HPD: variants seen among roughly 807,000 people sequenced by gnomAD.
HPD encodes the protein 4-hydroxyphenylpyruvic acid oxidase.
Under a neutral mutation model 56.9 loss-of-function variants are expected in HPD, and 35 were observed. The observed-to-expected ratio is 0.62, with a 90% CI of 0.47 to 0.82. HPD has a LOEUF of 0.82. Ranked by LOEUF, HPD falls within the 40% of genes least tolerant of loss-of-function variation. HPD has a pLI of 0.00. For missense variants in HPD, 442 were observed against 506.8 expected (o/e 0.87, Z 1.23); for synonymous variants, 186 against 200.2 (o/e 0.93, Z 0.60).
At chr12:121,846,545 A>G (rs1592917390) in intron 11 of HPD, among the ~76,000 whole-genome samples, 2 of 152,180 alleles carry the variant, frequency 1.3e-5, no homozygotes, top group East Asian at 3.8e-4. Flanking sequence ...AGGTAAGGCA[A>G]CTAAAGTCCA....
Position 121,839,724 on chromosome 12 carries a change from G to A in HPD, c.*4C>T, listed in dbSNP as rs764529433. The A allele has an allele frequency of 6.2e-7, 1 of 1,603,096 alleles. No individual in the cohort carries two copies. The highest frequency in any genetic ancestry group is 8.5e-7 in the Non-Finnish European group (1 of 1,169,950). ...GGCTGTGGCCTCCGTGGGGTGGGCG[G>A]GGCTTACATGCCGGGCACCACCCCA... is the stretch of plus-strand genomic sequence containing the variant. On this transcript the variant is annotated 3_prime_UTR_variant, in exon 14 of 14. Transcript: ENST00000289004.
intron 4 of HPD, 59 bp downstream of exon 4, chr12:121,857,268 TG>T: frequency 9.3e-7 from 1 of 1,075,988 alleles, no homozygotes; most frequent in Non-Finnish European, 1.5e-6. Context: ...TTAATAGAGA[TG>T]GGGTTTCACC....
Position 121,857,817 on chromosome 12 carries a change from AG to A in HPD, c.32del (p.Pro11LeufsTer12), listed in dbSNP as rs1878061108. The A allele has an allele frequency of 6.2e-7, 1 of 1,613,272 alleles. No homozygotes were observed. Among genetic ancestry groups the A allele is most frequent in the Non-Finnish European group, 8.5e-7 (1 of 1,179,376 alleles). The stretch of plus-strand genomic sequence containing the variant: ...GGAAGTGGAGGAATCGGCCTCTCTC[AG>A]GCTGCAGAAGGAGAGAAGAGGTGAG... MTTYSDKGAK[P>X]ERGRFLHFHS... is the part of the protein sequence containing the mutation. On this transcript the variant is annotated frameshift_variant and splice_region_variant, in exon 3 of 14. Transcript: ENST00000289004. LOFTEE classifies it high-confidence loss of function.
Position 121,839,753 on chromosome 12 carries a change from G to C in HPD, c.1157C>G (p.Thr386Ser). 3.1e-6 allele frequency: 5 copies of C among 1,613,898 alleles called. No individual in the cohort carries two copies. The highest frequency in any genetic ancestry group is 4.2e-6 in the Non-Finnish European group (5 of 1,179,748). ...NLRGNLTNME[T>S]NGVVPGM ...TTACATGCCGGGCACCACCCCATTG[G>C]TCTCCATGTTGGTGAGGTTACCCCG... is the stretch of plus-strand genomic sequence containing the variant. The change falls in exon 14 of 14, where the codon ACC (threonine) becomes AGC (serine). Residue 386 changes from threonine (T) to serine (S), a missense_variant. Coordinates refer to ENST00000289004, the MANE Select transcript of HPD (RefSeq NM_002150.3).
chr12:121,844,487 C>T (rs991986566), intron 11 of HPD, among the ~76,000 whole-genome samples: 1 of 152,010 alleles, frequency 6.6e-6, no homozygotes, highest in Non-Finnish European at 1.5e-5. Context: ...GTGGCTCACG[C>T]CTGTAAGCCC....
chr12:121,857,695 C>T (rs1878054824), intron 3 of HPD, 62 bp downstream of exon 3: 1 of 1,422,334 alleles, frequency 7.0e-7, no homozygotes, highest in South Asian at 1.2e-5. Flanking sequence ...GGAGGCCTGC[C>T]CTTGTCAGGC....
At chr12:121,862,698 CTT>C (rs34868560), upstream of HPD, among the ~76,000 whole-genome samples, 205 of 54,976 alleles carry the variant, frequency 3.7e-3, no homozygotes, top group African/African-American at 0.014. Context: ...TCAATGCAAG[CTT>C]TTTTTTTTTT....
At chr12:121,868,520 CTTTTTT>C (rs869188699), upstream of HPD, among the ~76,000 whole-genome samples, 2 of 12,528 alleles carry the variant, frequency 1.6e-4, no homozygotes, top group South Asian at 5.1e-3. Flanking sequence ...TTTCTTTTTT[CTTTTTT>C]TTTTTTTTTT....
intron 11 of HPD, among the ~76,000 whole-genome samples, chr12:121,846,567 G>A (rs920145627): frequency 2.6e-5 from 4 of 152,146 alleles, no homozygotes; most frequent in Non-Finnish European, 5.9e-5. Context: ...AGACAGCACT[G>A]AATCTCCCAG....
chr12:121,853,339 G>T (rs187018841), intron 7 of HPD, among the ~76,000 whole-genome samples: 3 of 152,156 alleles, frequency 2.0e-5, no homozygotes, highest in Non-Finnish European at 2.9e-5. Context: ...TATAATAAAA[G>T]TTGAAGAGGT....
intron 4 of HPD, chr12:121,857,031 G>A (rs1020645991): frequency 4.7e-5 from 24 of 506,110 alleles, no homozygotes; most frequent in Middle Eastern, 5.6e-4. Flanking sequence ...AGGGGTCGGT[G>A]GGAGCTGAAT....
At chr12:121,887,193 C>G in the HPD span, among the ~76,000 whole-genome samples, 3 of 151,764 alleles carry the variant, frequency 2.0e-5, no homozygotes, top group East Asian at 3.9e-4. Context: ...AATCACCACA[C>G]CTGGTCCTCT....
chr12:121,886,311 T>C, the HPD span, among the ~76,000 whole-genome samples: 3 of 151,556 alleles, frequency 2.0e-5, no homozygotes, highest in Non-Finnish European at 2.9e-5. Flanking sequence ...AGTTTCACCG[T>C]GTTAGCCAGG....
chr12:121,868,155 C>T (rs1194222952), upstream of HPD, among the ~76,000 whole-genome samples: 1 of 152,140 alleles, frequency 6.6e-6, no homozygotes, highest in Non-Finnish European at 1.5e-5. Context: ...GCACTCCAGC[C>T]TGGGTGACAC....
Position 121,847,040 on chromosome 12 carries a change from G to A in HPD, c.759+12C>T. On this transcript the variant is annotated intron_variant, in intron 10 of 13. Transcript: ENST00000289004. ...CCCTGCTCCCCTCTCCCCCAGCCAG[G>A]GGCGGCCTCACCTGGATCTGGGACT... 1.2e-6 allele frequency: 2 copies of A among 1,614,084 alleles called. No individual in the cohort carries two copies. The highest frequency in any genetic ancestry group is 1.7e-6 in the Non-Finnish European group (2 of 1,180,006).
At chr12:121,846,184 C>T (rs1390125506) in intron 11 of HPD, among the ~76,000 whole-genome samples, 1 of 152,206 alleles carries the variant, frequency 6.6e-6, no homozygotes, top group Non-Finnish European at 1.5e-5. Context: ...CAGGCATAAG[C>T]CACTGTGCCC....
At chr12:121,882,631 G>A in the HPD span, among the ~76,000 whole-genome samples, 1 of 152,204 alleles carries the variant, frequency 6.6e-6, no homozygotes, top group African/African-American at 2.4e-5. Context: ...AGGTAAACAT[G>A]CATTTACAAT....
upstream of HPD, among the ~76,000 whole-genome samples, chr12:121,865,572 A>T (rs1878304989): frequency 6.7e-6 from 1 of 149,796 alleles, no homozygotes; most frequent in Non-Finnish European, 1.5e-5. Context: ...CCCAGCCACG[A>T]CACTCTCTTT....
rs546014874 is a variant in HPD, at chr12:121,847,162, C to A, written c.649G>T (p.Val217Leu). The change falls in exon 10 of 14, where the codon GTG (valine) becomes TTG (leucine). Residue 217 changes from valine to leucine, a missense_variant. Coordinates refer to ENST00000289004, the MANE Select transcript of HPD (RefSeq NM_002150.3). ...CGCAGAGAGCTATATTCCGTGTGCA[C>A]CTGCGTGTCATCCACGGACCAGAAG... ...HRFWSVDDTQVHTEYSSLRSI... is the reference protein window; with the variant it reads ...HRFWSVDDTQLHTEYSSLRSI... 1.2e-6 allele frequency: 2 copies of A among 1,614,116 alleles called. No homozygotes were observed. The highest frequency in any genetic ancestry group is 2.2e-5 in the East Asian group (1 of 44,878).
Sources: allele counts gnomAD v4.1 joint callset (sites outside exome capture counted in the v4.1 genomes callset), GRCh38; gene constraint gnomAD v4.1.1; transcripts MANE v1.5; gene names NCBI Gene and HGNC (gene_info 2026-07-23, HGNC 2026-07-21).